CNGA3: variants seen among roughly 807,000 people sequenced by gnomAD.
CNGA3 encodes the protein cyclic nucleotide-gated channel alpha-3.
A neutral mutation model predicts 46.6 loss-of-function variants in CNGA3; 42 were observed. The observed-to-expected ratio is 0.90, with a 90% CI of 0.70 to 1.17. CNGA3 has a LOEUF of 1.17. Among genes scored for constraint, CNGA3 ranks in the 50% most tolerant of loss-of-function variants. The pLI, the probability that CNGA3 is intolerant of heterozygous loss-of-function variation, is 0.00. For missense variants in CNGA3, 893 were observed against 890.7 expected, an observed-to-expected ratio of 1.00 and a Z score of -0.03; for synonymous variants, 394 against 369.4, an observed-to-expected ratio of 1.07 and a Z score of -0.76.
intron 1 of CNGA3, among the ~76,000 whole-genome samples, chr2:98,355,099 G>A (rs558876837): frequency 1.8e-4 from 27 of 152,294 alleles, no homozygotes; most frequent in Admixed American, 7.8e-4. Context: ...TCTATTAGGA[G>A]GGAGTATTAC....
Position 98,373,460 on chromosome 2 carries a change from C to T in CNGA3, c.101+3384C>T, listed in dbSNP as rs536958413. ...AAACCTGCGTGTGGGTATGGCCCCT[C>T]GCTGAGTGCCCCCAAGAGGAAGGCA... On this transcript the variant is annotated intron_variant, in intron 2 of 7. Coordinates refer to ENST00000272602, the MANE Select transcript of CNGA3 (RefSeq NM_001298.3). Among the ~76,000 whole-genome samples, 4 of 152,248 alleles carry T rather than the reference C, an allele frequency of 2.6e-5. No individual in the cohort carries two copies. The South Asian group carries it at 8.3e-4, about 32-fold the overall frequency.
At chr2:98,380,382 T>C in intron 4 of CNGA3, 28 bp downstream of exon 4, 2 of 1,605,194 alleles carry the variant, frequency 1.2e-6, no homozygotes, top group Non-Finnish European at 8.5e-7. Context: ...AGAAGGGGCC[T>C]CTGGTGCCTG....
At chr2:98,360,718 G>A (rs1692012998) in intron 1 of CNGA3, among the ~76,000 whole-genome samples, 1 of 152,164 alleles carries the variant, frequency 6.6e-6, no homozygotes, top group South Asian at 2.1e-4. Flanking sequence ...GGGAGACAAG[G>A]ATTTGGCCAA....
intron 5 of CNGA3, among the ~76,000 whole-genome samples, chr2:98,383,988 G>C (rs558692640): frequency 2.6e-5 from 4 of 152,228 alleles, no homozygotes; most frequent in African/African-American, 9.6e-5. Flanking sequence ...CCGGGTTCAC[G>C]CCATTCTCCT....
chr2:98,354,082 T>C (rs1691825822), intron 1 of CNGA3, among the ~76,000 whole-genome samples: 2 of 152,240 alleles, frequency 1.3e-5, no homozygotes, highest in South Asian at 2.1e-4. Flanking sequence ...CCATATCACC[T>C]ACGTACAACC....
intron 5 of CNGA3, among the ~76,000 whole-genome samples, chr2:98,384,584 C>A (rs1213902822): frequency 6.6e-6 from 1 of 152,166 alleles, no homozygotes; most frequent in Non-Finnish European, 1.5e-5. Flanking sequence ...CAAATGCCAG[C>A]CATAACGAAA....
chr2:98,375,588 T>C lies in CNGA3; in HGVS notation c.102-2099T>C, dbSNP rs141033761. Among the ~76,000 whole-genome samples, 6 of 152,330 alleles carry C rather than the reference T, an allele frequency of 3.9e-5. No individual in the cohort carries two copies. In the East Asian group the frequency reaches 1.2e-3, roughly 29 times the overall value. ...CAGCAGGGTCTCTGACAGGGTCTTT[T>C]ATGTGTACACAAATGAGATGAGAGT... On this transcript the variant is annotated intron_variant, in intron 2 of 7. Coordinates refer to ENST00000272602, the MANE Select transcript of CNGA3 (RefSeq NM_001298.3).
chr2:98,361,338 T>C (rs547053038), intron 1 of CNGA3, among the ~76,000 whole-genome samples: 1 of 152,296 alleles, frequency 6.6e-6, no homozygotes, highest in South Asian at 2.1e-4. Context: ...GCTCCATCCA[T>C]GTCCCTGCAA....
At chr2:98,387,390 C>T (rs149239691) in intron 5 of CNGA3, among the ~76,000 whole-genome samples, 88 of 152,232 alleles carry the variant, frequency 5.8e-4, no homozygotes, top group African/African-American at 2.1e-3. Context: ...CTTCCTTCAG[C>T]GTGTGGAAGA....
chr2:98,361,733 A>G lies in CNGA3; in HGVS notation c.-37-8206A>G, dbSNP rs190381482. 7.5e-3 allele frequency among the ~76,000 whole-genome samples: 977 copies of G among 130,832 alleles called. 13 individuals carry two copies. The highest frequency in any genetic ancestry group is 0.026 in the African/African-American group (910 of 34,506). The allele number at this position is 130,832 out of a possible 152,430, so 85.8% of individuals were successfully genotyped here. On this transcript the variant is annotated intron_variant, in intron 1 of 7. Transcript: ENST00000272602. ...TTTTTTTTTTTTTTTTTTGAGACAGAGTCTTGCTCTGTCGCCCAGGCTGGA... is the reference window on the plus strand; with the variant it reads ...TTTTTTTTTTTTTTTTTTGAGACAGGGTCTTGCTCTGTCGCCCAGGCTGGA...
chr2:98,381,047 C>T (rs1350344564), intron 4 of CNGA3, among the ~76,000 whole-genome samples: 4 of 152,132 alleles, frequency 2.6e-5, no homozygotes, highest in Admixed American at 2.6e-4. Context: ...GACTGGTAGC[C>T]CCTTACACAC....
rs765493583 is a variant in CNGA3 at position 98,370,091 on chromosome 2, G to A, written c.101+15G>A. The stretch of plus-strand genomic sequence containing the variant: ...GGCCTCAGCAGGTAAGATGGGCTAA[G>A]ATGGGCTTTTCATTTTATGCCTGGC... On this transcript the variant is annotated intron_variant, in intron 2 of 7. Coordinates refer to ENST00000272602, the MANE Select transcript of CNGA3 (RefSeq NM_001298.3). The A allele has an allele frequency of 6.3e-7, 1 of 1,586,078 alleles. No individual in the cohort carries two copies. Among genetic ancestry groups the A allele is most frequent in the Non-Finnish European group, 8.7e-7 (1 of 1,155,522 alleles).
chr2:98,381,494 G>A lies in CNGA3; in HGVS notation c.395+1140G>A, dbSNP rs60056327. On this transcript the variant is annotated intron_variant, in intron 4 of 7. Coordinates refer to ENST00000272602, the MANE Select transcript of CNGA3 (RefSeq NM_001298.3). ...GAAACCCAGTGGCTCTTTCGGGAAC[G>A]TCCATTTTCATTCCATATTTGTATG... Among the ~76,000 whole-genome samples the A allele has an allele frequency of 9.0e-3, 1,363 of 152,280 alleles. 23 individuals are homozygous for A. Among genetic ancestry groups the A allele is most frequent in the African/African-American group, 0.032 (1,310 of 41,534 alleles).
At position 98,389,654 on chromosome 2, in the gene CNGA3, C is replaced by T. The variant is rs1291833580; in HGVS notation, c.450-4C>T. The T allele has an allele frequency of 6.2e-7, 1 of 1,613,484 alleles. No homozygotes were observed. The highest frequency in any genetic ancestry group is 1.7e-5 in the Admixed American group (1 of 60,020). On this transcript the variant is annotated splice_polypyrimidine_tract_variant and splice_region_variant and intron_variant, in intron 5 of 7. Coordinates refer to ENST00000272602, the MANE Select transcript of CNGA3 (RefSeq NM_001298.3). ...GCGCTGTTTGTGTATGTGTGGGTTTCCAGGAAGAAGACGAAAAAGAAGGAT... is the reference window on the plus strand; with the variant it reads ...GCGCTGTTTGTGTATGTGTGGGTTTTCAGGAAGAAGACGAAAAAGAAGGAT...
At chr2:98,383,331 G>A (rs1249496240) in intron 4 of CNGA3, 57 bp from the exon 5 acceptor site, 97 of 1,529,584 alleles carry the variant, frequency 6.3e-5, no homozygotes, top group Non-Finnish European at 5.3e-5. Flanking sequence ...TGGTGAAATG[G>A]CCCCAAGGAA....
chr2:98,356,604 A>G (rs575144029), intron 1 of CNGA3, among the ~76,000 whole-genome samples: 1 of 152,300 alleles, frequency 6.6e-6, no homozygotes, highest in African/African-American at 2.4e-5. Flanking sequence ...GTGCATCCAT[A>G]CAGGGCTATG....
At chr2:98,377,447 G>C (rs554066858) in intron 2 of CNGA3, 231 of 499,594 alleles carry the variant, frequency 4.6e-4, no homozygotes, top group Non-Finnish European at 5.2e-4. Flanking sequence ...CCACCTTCCC[G>C]TCCTTTCACC....
chr2:98,363,334 G>A (rs1189755880), intron 1 of CNGA3, among the ~76,000 whole-genome samples: 4 of 152,138 alleles, frequency 2.6e-5, no homozygotes, highest in Non-Finnish European at 4.4e-5. Flanking sequence ...TTGAGCAGTG[G>A]TTTGTAGTTC....
chr2:98,363,406 T>C (rs568799067), intron 1 of CNGA3, among the ~76,000 whole-genome samples: 5 of 152,358 alleles, frequency 3.3e-5, no homozygotes, highest in African/African-American at 9.6e-5. Context: ...ACTCTCTTTG[T>C]AGAAATTTTG....
Sources: gnomAD v4.1 joint callset for allele counts (sites outside exome capture counted in the v4.1 genomes callset) on GRCh38, gnomAD v4.1.1 for gene constraint, MANE v1.5 for transcripts, NCBI Gene and HGNC (gene_info 2026-07-23, HGNC 2026-07-21) for gene names.